Variants in TCF12 observed in about 807,000 individuals in gnomAD.
The protein encoded by TCF12 is DNA-binding protein HTF4.
TCF12 carries 45 observed loss-of-function variants against 86.0 expected under a neutral mutation model. That is an observed-to-expected ratio of 0.52 (90% CI 0.41 to 0.67). The LOEUF is 0.67. Ranked by LOEUF, TCF12 falls within the 30% of genes least tolerant of loss-of-function variation. TCF12 has a pLI of 0.00. For synonymous variants in TCF12, 330 were observed against 299.6 expected, an observed-to-expected ratio of 1.10 and a Z score of -1.05; for missense variants, 881 against 859.9, an observed-to-expected ratio of 1.02 and a Z score of -0.31.
chr15:57,071,276 G>T (rs1400576047), intron 4 of TCF12, among the ~76,000 whole-genome samples: 1 of 151,782 alleles, frequency 6.6e-6, no homozygotes, highest in Non-Finnish European at 1.5e-5. Flanking sequence ...TCCAGGTCTG[G>T]TGGTGCGCAC....
chr15:57,047,717 A>C (rs1309882348), intron 3 of TCF12, among the ~76,000 whole-genome samples: 1 of 152,258 alleles, frequency 6.6e-6, no homozygotes, highest in Non-Finnish European at 1.5e-5. Context: ...CTTGAATATC[A>C]GTATAAATAT....
rs113348374 is a variant in TCF12 at position 57,056,806 on chromosome 15, CTT to C, written c.149-6931_149-6930del. 2.1e-3 allele frequency among the ~76,000 whole-genome samples: 300 copies of C among 142,268 alleles called. 4 individuals carry two copies. In the East Asian group the frequency reaches 0.023, roughly 11 times the overall value. 93.3% of individuals were successfully genotyped at this position (142,268 alleles called of 152,430 possible). On this transcript the variant is annotated intron_variant, in intron 3 of 20. Coordinates refer to ENST00000333725, the MANE Select transcript of TCF12 (RefSeq NM_207037.2). ...TTTCTTTTTCTTCGTGAGATTTTCA[CTT>C]TTTTTTTTTTTTCATTAAAAGCATG...
chr15:57,210,544 T>G (rs1418076695), intron 8 of TCF12, among the ~76,000 whole-genome samples: 1 of 152,122 alleles, frequency 6.6e-6, no homozygotes. Flanking sequence ...TAGGAATTAT[T>G]AGATAGGAAT....
At chr15:57,007,777 T>C (rs1160966336) in intron 3 of TCF12, among the ~76,000 whole-genome samples, 8 of 47,638 alleles carry the variant, frequency 1.7e-4, no homozygotes, top group Non-Finnish European at 2.4e-4. Context: ...TTTCTTTCTT[T>C]CTTTCTTTCT....
At chr15:57,124,738 C>T (rs1217124681) in intron 5 of TCF12, among the ~76,000 whole-genome samples, 1 of 151,720 alleles carries the variant, frequency 6.6e-6, no homozygotes, top group Non-Finnish European at 1.5e-5. Context: ...AGTGCAGTGA[C>T]GCGATCTCGG....
At chr15:57,219,282 C>A (rs1195390249) in intron 8 of TCF12, 2 of 1,200,444 alleles carry the variant, frequency 1.7e-6, no homozygotes. Context: ...CAAATTTTGT[C>A]TTATTGGTAT....
chr15:57,247,817 A>G (rs1444436304), intron 13 of TCF12: 1 of 752,100 alleles, frequency 1.3e-6, no homozygotes, highest in Non-Finnish European at 2.4e-6. Context: ...CACAAAACCA[A>G]AGCCCCTGGA....
At chr15:57,155,389 C>T (rs182072496) in intron 5 of TCF12, among the ~76,000 whole-genome samples, 3 of 152,248 alleles carry the variant, frequency 2.0e-5, no homozygotes, top group East Asian at 1.9e-4. Context: ...TGAGACTGGC[C>T]TTTACCTATT....
At chr15:56,921,452 C>A (rs1284596773) in intron 3 of TCF12, among the ~76,000 whole-genome samples, 4 of 152,020 alleles carry the variant, frequency 2.6e-5, no homozygotes, top group Non-Finnish European at 4.4e-5. Flanking sequence ...GATCTACACA[C>A]TAGTGATCTT....
At chr15:56,944,834 A>G (rs1444086682) in intron 3 of TCF12, among the ~76,000 whole-genome samples, 3 of 152,186 alleles carry the variant, frequency 2.0e-5, no homozygotes, top group African/African-American at 4.8e-5. Flanking sequence ...TGTTTGGAGG[A>G]AGGGGTTAAT....
chr15:56,918,352 C>CTTTTTT, upstream of TCF12: 2 of 435,656 alleles, frequency 4.6e-6, no homozygotes, highest in East Asian at 1.4e-4. Context: ...CGAGGAGGCG[C>CTTTTTT]CACGGTACCT....
chr15:57,270,826 G>C (rs547817477), intron 18 of TCF12, among the ~76,000 whole-genome samples: 1 of 152,268 alleles, frequency 6.6e-6, no homozygotes, highest in Non-Finnish European at 1.5e-5. Context: ...CGGCCCCTCA[G>C]CTGCACATCT....
intron 13 of TCF12, among the ~76,000 whole-genome samples, chr15:57,248,373 T>C (rs1271476455): frequency 6.6e-6 from 1 of 152,192 alleles, no homozygotes; most frequent in African/African-American, 2.4e-5. Context: ...AAGAGAGGAA[T>C]GGCTTTGTTT....
At chr15:56,944,702 A>G (rs1441970548) in intron 3 of TCF12, among the ~76,000 whole-genome samples, 1 of 152,100 alleles carries the variant, frequency 6.6e-6, no homozygotes, top group Admixed American at 6.6e-5. Flanking sequence ...CCTTCTTACC[A>G]TGGGGACAGT....
At chr15:57,253,597 CT>C in intron 16 of TCF12, 129 bp downstream of exon 16, 1 of 1,060,324 alleles carries the variant, frequency 9.4e-7, no homozygotes, top group South Asian at 1.6e-5. Flanking sequence ...ATTTTCTTTA[CT>C]GTCTTTGGCA....
intron 4 of TCF12, among the ~76,000 whole-genome samples, chr15:57,065,659 G>A (rs2068813975): frequency 7.5e-6 from 1 of 134,120 alleles, no homozygotes; most frequent in Non-Finnish European, 1.5e-5. Flanking sequence ...TGCTGCATAG[G>A]ATTTTAGGAG....
intron 12 of TCF12, among the ~76,000 whole-genome samples, chr15:57,238,206 AT>A (rs1227422107): frequency 2.7e-4 from 40 of 148,276 alleles, no homozygotes; most frequent in South Asian, 1.3e-3. Flanking sequence ...TTAGACAGTG[AT>A]TTTTTTTTTT....
At chr15:57,275,622 C>T (rs571509739) in intron 19 of TCF12, among the ~76,000 whole-genome samples, 5 of 152,124 alleles carry the variant, frequency 3.3e-5, no homozygotes, top group African/African-American at 1.2e-4. Flanking sequence ...GACTTGATCA[C>T]TTTTGAGAGC....
intron 8 of TCF12, among the ~76,000 whole-genome samples, chr15:57,210,505 T>A (rs7181399): frequency 0.23 from 34,973 of 151,900 alleles, 4,478 homozygotes; most frequent in African/African-American, 0.35. Context: ...TTATTTCTAT[T>A]TACATGGACA....
Sources: gnomAD v4.1 joint callset for allele counts (sites outside exome capture counted in the v4.1 genomes callset) on GRCh38, gnomAD v4.1.1 for gene constraint, MANE v1.5 for transcripts, NCBI Gene and HGNC (gene_info 2026-07-23, HGNC 2026-07-21) for gene names.